Variants in CDYL observed in about 807,000 individuals in gnomAD.
CDYL encodes chromodomain Y like.
In CDYL, 8 loss-of-function variants were observed where a neutral mutation model predicts 47.3. The ratio of observed to expected loss-of-function variants is 0.17; its 90% CI spans 0.10 to 0.31. The LOEUF (loss-of-function observed/expected upper bound fraction) is 0.31, where lower values mean the gene tolerates loss of function less well. CDYL is among the 10% of genes least tolerant of loss of function. CDYL has a pLI of 1.00. For missense variants in CDYL, 471 were observed against 701.4 expected (o/e 0.67, Z 3.71); for synonymous variants, 266 against 265.0 (o/e 1.00, Z -0.04).
chr6:4,713,312 A>T (rs1757185821), intron 1 of CDYL, among the ~76,000 whole-genome samples: 1 of 152,074 alleles, frequency 6.6e-6, no homozygotes, highest in Non-Finnish European at 1.5e-5. Flanking sequence ...TGCTGTCAAT[A>T]GGAGTGGCGG....
chr6:4,787,365 C>T (rs1452657137), intron 1 of CDYL, among the ~76,000 whole-genome samples: 1 of 152,170 alleles, frequency 6.6e-6, no homozygotes, highest in Non-Finnish European at 1.5e-5. Context: ...TGCGACACCA[C>T]TGGTTTCTGC....
At chr6:4,724,667 T>C (rs530966092) in intron 2 of CDYL, 2 of 152,284 alleles carry the variant, frequency 1.3e-5, no homozygotes, top group South Asian at 2.1e-4. Context: ...ACCTTCGCAG[T>C]GAGTGTTACA....
intron 1 of CDYL, among the ~76,000 whole-genome samples, chr6:4,807,906 T>C (rs963663448): frequency 1.3e-5 from 2 of 152,104 alleles, no homozygotes; most frequent in African/African-American, 4.8e-5. Flanking sequence ...CGCGCCGGGC[T>C]CATTTATGTC....
intron 1 of CDYL, among the ~76,000 whole-genome samples, chr6:4,818,367 A>T (rs557028369): frequency 6.6e-6 from 1 of 152,222 alleles, no homozygotes; most frequent in Non-Finnish European, 1.5e-5. Context: ...GATTGTTTCT[A>T]TGAAAGGGAG....
At chr6:4,821,507 G>A (rs1462822273) in intron 1 of CDYL, among the ~76,000 whole-genome samples, 1 of 152,058 alleles carries the variant, frequency 6.6e-6, no homozygotes, top group Non-Finnish European at 1.5e-5. Flanking sequence ...GCCGAAGCGG[G>A]CGGATCACTT....
chr6:4,827,455 T>C (rs951695227), intron 1 of CDYL, among the ~76,000 whole-genome samples: 2 of 152,244 alleles, frequency 1.3e-5, no homozygotes, highest in Non-Finnish European at 2.9e-5. Flanking sequence ...ATATAGCTTT[T>C]AGATATTTTC....
At chr6:4,790,433 TAAC>T (rs1311841536) in intron 1 of CDYL, among the ~76,000 whole-genome samples, 5 of 152,190 alleles carry the variant, frequency 3.3e-5, no homozygotes, top group Non-Finnish European at 7.4e-5. Flanking sequence ...CTAGTGACCT[TAAC>T]AACAACAAAC....
intron 5 of CDYL, among the ~76,000 whole-genome samples, chr6:4,951,690 A>G (rs1003178831): frequency 6.6e-5 from 10 of 152,090 alleles, no homozygotes; most frequent in Admixed American, 1.3e-4. Flanking sequence ...GGTACGCTCT[A>G]GCAGAAACGG....
At chr6:4,766,604 A>G (rs989162297) in intron 3 of CDYL, among the ~76,000 whole-genome samples, 3 of 152,212 alleles carry the variant, frequency 2.0e-5, no homozygotes, top group Non-Finnish European at 4.4e-5. Flanking sequence ...GCAAATGCAT[A>G]CAGGTATCAA....
chr6:4,790,690 A>G (rs1758894522), intron 1 of CDYL, among the ~76,000 whole-genome samples: 1 of 152,240 alleles, frequency 6.6e-6, no homozygotes, highest in African/African-American at 2.4e-5. Context: ...TCCTGTGTAC[A>G]GCACCTTGGA....
chr6:4,786,841 C>A (rs1430099099), intron 1 of CDYL, among the ~76,000 whole-genome samples: 2 of 152,184 alleles, frequency 1.3e-5, no homozygotes, highest in African/African-American at 4.8e-5. Context: ...CTCCCTCTTT[C>A]CTGAGTGTTA....
At chr6:4,894,286 A>C (rs1367814792) in intron 2 of CDYL, among the ~76,000 whole-genome samples, 1 of 152,144 alleles carries the variant, frequency 6.6e-6, no homozygotes, top group Non-Finnish European at 1.5e-5. Context: ...TGCCTCCTGG[A>C]CAGATAAGCA....
rs754045685 is a variant in CDYL, at chr6:4,892,325, G to C, written c.637G>C (p.Val213Leu). Residue 213 changes from valine to leucine, a missense_variant, in exon 2 of 7, where the codon GTG becomes CTG. Coordinates refer to ENST00000397588, the MANE Select transcript of CDYL (RefSeq NM_004824.4). ...RPRIHPLVPQ[V>L]PGPVTAAMAT... is the part of the protein sequence containing the mutation. The stretch of plus-strand genomic sequence containing the variant: ...CAGGATACACCCACTAGTGCCTCAG[G>C]TGCCCGGCCCTGTGACTGCAGCCAT... 1 of 1,614,006 alleles carries C rather than the reference G, an allele frequency of 6.2e-7. No individual in the cohort carries two copies. Among genetic ancestry groups the C allele is most frequent in the South Asian group, 1.1e-5 (1 of 91,060 alleles).
intron 1 of CDYL, among the ~76,000 whole-genome samples, chr6:4,842,517 A>G (rs1325382702): frequency 2.0e-5 from 3 of 152,014 alleles, no homozygotes; most frequent in Non-Finnish European, 4.4e-5. Context: ...ATCATTATAT[A>G]ATGCCCCTCT....
chr6:4,860,924 CCTAGCCCACTG>C (rs1410166156), intron 1 of CDYL, among the ~76,000 whole-genome samples: 4 of 150,562 alleles, frequency 2.7e-5, no homozygotes, highest in Non-Finnish European at 5.9e-5. Context: ...ATCTGCCTTC[CCTAGCCCACTG>C]ACTCAAATGT....
intron 1 of CDYL, among the ~76,000 whole-genome samples, chr6:4,838,140 T>A (rs1175746411): frequency 4.6e-5 from 7 of 152,084 alleles, no homozygotes; most frequent in Non-Finnish European, 8.8e-5. Context: ...TCTTTAAAAG[T>A]TTTTCGGTAT....
chr6:4,950,880 C>A (rs1758680134), intron 5 of CDYL, among the ~76,000 whole-genome samples: 3 of 148,398 alleles, frequency 2.0e-5, no homozygotes, highest in South Asian at 2.1e-4. Context: ...TGCAGTGAGC[C>A]GATATTGCAC....
At chr6:4,896,282 G>T (rs1037662789) in intron 2 of CDYL, among the ~76,000 whole-genome samples, 1 of 152,216 alleles carries the variant, frequency 6.6e-6, no homozygotes, top group Non-Finnish European at 1.5e-5. Context: ...ATTTGGGAGG[G>T]TCAGTTCTGT....
intron 2 of CDYL, among the ~76,000 whole-genome samples, chr6:4,718,278 G>C (rs1757307156): frequency 6.7e-6 from 1 of 149,838 alleles, no homozygotes; most frequent in Non-Finnish European, 1.5e-5. Context: ...TGGTGGTGGT[G>C]GTTTTTTTCT....
Sources: gnomAD v4.1 joint callset for allele counts (sites outside exome capture counted in the v4.1 genomes callset) on GRCh38, gnomAD v4.1.1 for gene constraint, MANE v1.5 for transcripts, NCBI Gene and HGNC (gene_info 2026-07-23, HGNC 2026-07-21) for gene names.